The following AGMO variants were observed in gnomAD, a reference collection of about 807,000 sequenced individuals.
AGMO encodes the protein alkylglycerol monooxygenase.
AGMO carries 75 observed loss-of-function variants against 60.2 expected under a neutral mutation model. That is an observed-to-expected ratio of 1.25 (90% CI 1.03 to 1.51). The LOEUF is 1.51. Among genes scored for constraint, AGMO ranks in the 40% most tolerant of loss-of-function variants. The pLI is 0.00. For synonymous variants in AGMO, 261 were observed against 177.1 expected (o/e 1.47, Z -3.76); for missense variants, 763 against 525.5 (o/e 1.45, Z -4.42).
At chr7:15,141,581 G>A in the AGMO span, among the ~76,000 whole-genome samples, 4 of 151,928 alleles carry the variant, frequency 2.6e-5, no homozygotes, top group East Asian at 3.9e-4. Context: ...GCTAGAATCC[G>A]CCTCAAAACA....
chr7:15,222,497 T>C (rs1781951867), intron 12 of AGMO, among the ~76,000 whole-genome samples: 1 of 152,096 alleles, frequency 6.6e-6, no homozygotes, highest in Non-Finnish European at 1.5e-5. Context: ...AAACATGTTT[T>C]TCAATGTTAG....
At chr7:15,538,057 G>C (rs1562561340) in intron 3 of AGMO, among the ~76,000 whole-genome samples, 4 of 152,036 alleles carry the variant, frequency 2.6e-5, no homozygotes, top group Admixed American at 1.3e-4. Flanking sequence ...AAAGGCATAG[G>C]CAAGTTGTTG....
At chr7:15,177,913 A>G in the AGMO span, among the ~76,000 whole-genome samples, 1 of 152,168 alleles carries the variant, frequency 6.6e-6, no homozygotes, top group African/African-American at 2.4e-5. Flanking sequence ...GATGTCCACC[A>G]TATGTCTCTC....
intron 3 of AGMO, among the ~76,000 whole-genome samples, chr7:15,525,095 A>G (rs1784090228): frequency 6.6e-6 from 1 of 152,054 alleles, no homozygotes; most frequent in East Asian, 1.9e-4. Flanking sequence ...CTGCTTCATA[A>G]TACTCCCTTC....
At chr7:15,442,550 T>C (rs1781586294) in intron 3 of AGMO, among the ~76,000 whole-genome samples, 1 of 152,060 alleles carries the variant, frequency 6.6e-6, no homozygotes, top group African/African-American at 2.4e-5. Flanking sequence ...CAAACCCAAA[T>C]CTATTTACTA....
intron 10 of AGMO, among the ~76,000 whole-genome samples, chr7:15,378,510 G>C (rs1783542415): frequency 6.6e-6 from 1 of 151,812 alleles, no homozygotes; most frequent in Admixed American, 6.6e-5. Context: ...TCCTAAATAT[G>C]TATGCACCCA....
chr7:15,540,158 C>T (rs1784588596), intron 3 of AGMO, among the ~76,000 whole-genome samples: 1 of 152,136 alleles, frequency 6.6e-6, no homozygotes, highest in African/African-American at 2.4e-5. Flanking sequence ...CAAGCAGGTA[C>T]TTATACCTTT....
intron 12 of AGMO, among the ~76,000 whole-genome samples, chr7:15,228,442 T>C (rs796448181): frequency 7.9e-5 from 12 of 152,082 alleles, no homozygotes; most frequent in African/African-American, 2.9e-4. Flanking sequence ...GAGAGATGTA[T>C]GGAAGGAGAA....
chr7:15,348,020 G>GA (rs1204762467), intron 12 of AGMO, among the ~76,000 whole-genome samples: 1 of 151,996 alleles, frequency 6.6e-6, no homozygotes, highest in Non-Finnish European at 1.5e-5. Context: ...ACATTTTCCT[G>GA]AAGTTAACTG....
intron 12 of AGMO, among the ~76,000 whole-genome samples, chr7:15,216,391 T>A (rs924141656): frequency 6.6e-6 from 1 of 152,010 alleles, no homozygotes; most frequent in African/African-American, 2.4e-5. Flanking sequence ...GGGTTCCTTT[T>A]TCTATGTTTT....
chr7:15,549,055 C>G (rs1166408804), intron 2 of AGMO, among the ~76,000 whole-genome samples: 1 of 150,562 alleles, frequency 6.6e-6, no homozygotes, highest in Non-Finnish European at 1.5e-5. Flanking sequence ...AATTTCATAT[C>G]CAGCCAAACT....
chr7:15,344,814 T>A (rs187428933), intron 12 of AGMO, among the ~76,000 whole-genome samples: 1 of 151,892 alleles, frequency 6.6e-6, no homozygotes, highest in Non-Finnish European at 1.5e-5. Flanking sequence ...TTTTCATCAG[T>A]TGAATATATC....
chr7:15,552,803 C>T (rs1260657527), intron 2 of AGMO, among the ~76,000 whole-genome samples: 1 of 149,580 alleles, frequency 6.7e-6, no homozygotes, highest in African/African-American at 2.4e-5. Context: ...CCATTTGACC[C>T]AGCCATCCCA....
At chr7:15,346,304 C>A (rs796706819) in intron 12 of AGMO, among the ~76,000 whole-genome samples, 5 of 152,124 alleles carry the variant, frequency 3.3e-5, no homozygotes, top group African/African-American at 1.2e-4. Context: ...CACTCAAATT[C>A]CATTGGGAAA....
intron 3 of AGMO, among the ~76,000 whole-genome samples, chr7:15,514,293 G>C (rs916977120): frequency 5.3e-5 from 8 of 152,104 alleles, no homozygotes; most frequent in African/African-American, 1.9e-4. Context: ...ATAAGCCAAA[G>C]CACCTTAATC....
At chr7:15,473,994 G>A (rs1462349240) in intron 3 of AGMO, among the ~76,000 whole-genome samples, 1 of 152,036 alleles carries the variant, frequency 6.6e-6, no homozygotes, top group East Asian at 1.9e-4. Context: ...CAATCTACAA[G>A]GGATGTGAGG....
chr7:15,541,216 G>A (rs564188152), intron 3 of AGMO, among the ~76,000 whole-genome samples: 6 of 152,128 alleles, frequency 3.9e-5, no homozygotes, highest in Admixed American at 6.5e-5. Flanking sequence ...TCCGGCTCCC[G>A]GGTTCAAGCA....
At chr7:15,516,930 C>T (rs115701677) in intron 3 of AGMO, among the ~76,000 whole-genome samples, 1,768 of 152,046 alleles carry the variant, frequency 0.012, 36 homozygotes, top group African/African-American at 0.04. Flanking sequence ...GAAAGAGTCT[C>T]CACATGAAAG....
chr7:15,550,027 C>CAACTACATGGT (rs1784902731), intron 2 of AGMO, among the ~76,000 whole-genome samples: 2 of 152,092 alleles, frequency 1.3e-5, no homozygotes, highest in African/African-American at 4.8e-5. Flanking sequence ...CAAAACCGCT[C>CAACTACATGGT]AACTACATGG....
Sources: allele counts gnomAD v4.1 joint callset (sites outside exome capture counted in the v4.1 genomes callset), GRCh38; gene constraint gnomAD v4.1.1; transcripts MANE v1.5; gene names NCBI Gene and HGNC (gene_info 2026-07-23, HGNC 2026-07-21).